Variants in GPC5 observed in about 807,000 individuals in gnomAD.
The protein encoded by GPC5 is glypican 5, also known as glypican-5.
GPC5 carries 47 observed loss-of-function variants against 53.9 expected under a neutral mutation model. The observed-to-expected ratio is 0.87, with a 90% confidence interval of 0.69 to 1.11. The LOEUF is 1.11. GPC5 is among the 50% of genes most tolerant of loss of function. The pLI, the probability that GPC5 is intolerant of heterozygous loss-of-function variation, is 0.00. For synonymous variants in GPC5, 286 were observed against 263.3 expected, an observed-to-expected ratio of 1.09 and a Z score of -0.84; for missense variants, 748 against 713.1, an observed-to-expected ratio of 1.05 and a Z score of -0.56.
intron 3 of GPC5, among the ~76,000 whole-genome samples, chr13:91,711,443 G>A (rs1240317351): frequency 3.3e-5 from 5 of 151,880 alleles, no homozygotes; most frequent in South Asian, 2.1e-4. Context: ...ATCACACACC[G>A]GGGCCTGTCA....
chr13:92,486,798 A>G (rs1477454451), intron 7 of GPC5, among the ~76,000 whole-genome samples: 1 of 152,156 alleles, frequency 6.6e-6, no homozygotes, highest in Admixed American at 6.5e-5. Flanking sequence ...CATCAGCCAC[A>G]TTTCATGTGA....
intron 7 of GPC5, among the ~76,000 whole-genome samples, chr13:92,331,369 C>G (rs1001634549): frequency 6.6e-6 from 1 of 152,124 alleles, no homozygotes; most frequent in Non-Finnish European, 1.5e-5. Context: ...TGGGTCTTCT[C>G]TTTGTCTCTG....
chr13:92,033,055 G>A (rs1056443896), intron 6 of GPC5, among the ~76,000 whole-genome samples: 1 of 151,652 alleles, frequency 6.6e-6, no homozygotes, highest in African/African-American at 2.4e-5. Context: ...GTGTGTGTGT[G>A]TGTGTGTGTG....
At chr13:92,249,932 T>C (rs1416531460) in intron 7 of GPC5, among the ~76,000 whole-genome samples, 1 of 152,164 alleles carries the variant, frequency 6.6e-6, no homozygotes, top group African/African-American at 2.4e-5. Flanking sequence ...ATGATAAATA[T>C]GATTTCATTA....
intron 4 of GPC5, among the ~76,000 whole-genome samples, chr13:91,749,163 A>G (rs1298849492): frequency 6.6e-6 from 1 of 152,100 alleles, no homozygotes; most frequent in Non-Finnish European, 1.5e-5. Context: ...CCCATTTTGC[A>G]TACCTCACCC....
intron 7 of GPC5, among the ~76,000 whole-genome samples, chr13:92,238,507 A>G (rs2042586424): frequency 6.6e-6 from 1 of 152,082 alleles, no homozygotes; most frequent in African/African-American, 2.4e-5. Context: ...TTCATTAGAG[A>G]AATGTCTACT....
chr13:92,590,557 T>C (rs532374716), intron 7 of GPC5, among the ~76,000 whole-genome samples: 26 of 152,244 alleles, frequency 1.7e-4, no homozygotes, highest in Non-Finnish European at 3.2e-4. Context: ...AGCTGAGTCA[T>C]GACAGTTGAC....
chr13:91,538,804 G>C (rs1886710682), intron 2 of GPC5, among the ~76,000 whole-genome samples: 1 of 150,898 alleles, frequency 6.6e-6, no homozygotes, highest in Admixed American at 6.6e-5. Flanking sequence ...GGATGGTCTC[G>C]ATCTCCTGAC....
intron 7 of GPC5, among the ~76,000 whole-genome samples, chr13:92,814,610 G>A (rs144590201): frequency 0.017 from 2,495 of 151,034 alleles, 119 homozygotes; most frequent in African/African-American, 0.058. Flanking sequence ...GCAGTGAGCC[G>A]AGATCGTGCC....
intron 7 of GPC5, among the ~76,000 whole-genome samples, chr13:92,461,418 G>T (rs1460560703): frequency 1.3e-5 from 2 of 152,112 alleles, no homozygotes; most frequent in Non-Finnish European, 2.9e-5. Flanking sequence ...TGTGAGGAAG[G>T]GTGGCTAAGT....
intron 6 of GPC5, among the ~76,000 whole-genome samples, chr13:92,127,105 A>AT (rs1555312613): frequency 2.6e-5 from 4 of 151,954 alleles, no homozygotes; most frequent in African/African-American, 4.8e-5. Flanking sequence ...TTATAATGGA[A>AT]GGGGGGGTGA....
chr13:91,825,356 G>A (rs1032663846), intron 5 of GPC5, among the ~76,000 whole-genome samples: 1 of 152,060 alleles, frequency 6.6e-6, no homozygotes, highest in South Asian at 2.1e-4. Flanking sequence ...GAAATTATAC[G>A]TTTGTGTGTT....
chr13:91,742,285 A>C (rs912449684), intron 4 of GPC5, among the ~76,000 whole-genome samples: 1 of 152,206 alleles, frequency 6.6e-6, no homozygotes, highest in Non-Finnish European at 1.5e-5. Flanking sequence ...TTTGGGGATC[A>C]TGTATCCCAC....
At chr13:91,891,794 T>A (rs184686352) in intron 5 of GPC5, among the ~76,000 whole-genome samples, 6 of 152,278 alleles carry the variant, frequency 3.9e-5, no homozygotes, top group Non-Finnish European at 5.9e-5. Context: ...CATGAATTCA[T>A]CAGTTTCTTC....
At chr13:91,833,805 C>T (rs746622938) in intron 5 of GPC5, among the ~76,000 whole-genome samples, 1 of 152,018 alleles carries the variant, frequency 6.6e-6, no homozygotes. Flanking sequence ...TGGGCAAAAA[C>T]GGGAAGCATT....
intron 7 of GPC5, among the ~76,000 whole-genome samples, chr13:92,484,908 T>G (rs2139437462): frequency 6.6e-6 from 1 of 151,936 alleles, no homozygotes; most frequent in South Asian, 2.1e-4. Flanking sequence ...CTAATTTTTT[T>G]TGTATTTTTA....
At chr13:92,218,652 T>C (rs1447386963) in intron 7 of GPC5, among the ~76,000 whole-genome samples, 1 of 152,164 alleles carries the variant, frequency 6.6e-6, no homozygotes, top group Non-Finnish European at 1.5e-5. Flanking sequence ...CTAGAAAAAT[T>C]TGGTGCTGTA....
At chr13:92,170,213 T>C (rs2042059611) in intron 7 of GPC5, among the ~76,000 whole-genome samples, 1 of 151,842 alleles carries the variant, frequency 6.6e-6, no homozygotes, top group Admixed American at 6.6e-5. Flanking sequence ...GTTTCTATGT[T>C]TATATTTATA....
intron 2 of GPC5, among the ~76,000 whole-genome samples, chr13:91,591,068 A>C (rs1471750589): frequency 6.6e-6 from 1 of 152,158 alleles, no homozygotes; most frequent in South Asian, 2.1e-4. Context: ...AGCTCCTAAG[A>C]CAGTGACAGG....
Sources: gnomAD v4.1 joint callset for allele counts (sites outside exome capture counted in the v4.1 genomes callset) on GRCh38, gnomAD v4.1.1 for gene constraint, MANE v1.5 for transcripts, NCBI Gene and HGNC (gene_info 2026-07-23, HGNC 2026-07-21) for gene names.